Variants in GFRAL observed in about 807,000 individuals in gnomAD.
GFRAL encodes the protein GDNF family receptor alpha-like.
In GFRAL, 36 loss-of-function variants were observed where a neutral mutation model predicts 45.4. The observed-to-expected ratio is 0.79, with a 90% CI of 0.61 to 1.05. The LOEUF (loss-of-function observed/expected upper bound fraction) is 1.05. Among genes scored for constraint, GFRAL ranks in the 50% least tolerant of loss-of-function variants. The pLI is 0.00. For synonymous variants in GFRAL, 166 were observed against 154.1 expected (o/e 1.08, Z -0.57); for missense variants, 507 against 467.5 (o/e 1.08, Z -0.78).
At chr6:55,363,387 A>G (rs1285272686) in intron 6 of GFRAL, among the ~76,000 whole-genome samples, 1 of 151,910 alleles carries the variant, frequency 6.6e-6, no homozygotes, top group Non-Finnish European at 1.5e-5. Context: ...CTTAAAAAAT[A>G]TATGGTAGAC....
intron 3 of GFRAL, among the ~76,000 whole-genome samples, chr6:55,344,178 A>G (rs1035030854): frequency 1.9e-4 from 28 of 148,234 alleles, no homozygotes; most frequent in African/African-American, 6.6e-4. Flanking sequence ...ATGCTCCCTA[A>G]CTCATTTTAT....
chr6:55,374,424 C>A (rs939973744), intron 6 of GFRAL, among the ~76,000 whole-genome samples: 3 of 152,064 alleles, frequency 2.0e-5, no homozygotes, highest in African/African-American at 7.2e-5. Context: ...ACATGAATGT[C>A]TTCTTTTGAG....
chr6:55,333,338 G>C (rs1767853768), intron 2 of GFRAL, among the ~76,000 whole-genome samples: 1 of 152,100 alleles, frequency 6.6e-6, no homozygotes, highest in African/African-American at 2.4e-5. Flanking sequence ...CTATGTGCCA[G>C]GACCACATAA....
Position 55,347,948 on chromosome 6 carries a change from C to G in GFRAL, c.317-2144C>G, listed in dbSNP as rs918477652. ...CTACTAGTTTATTGTAAGCATATTTCTTATCAGATTATAAAATATAAATCA... is the reference window on the plus strand; with the variant it reads ...CTACTAGTTTATTGTAAGCATATTTGTTATCAGATTATAAAATATAAATCA... On this transcript the variant is annotated intron_variant, in intron 3 of 8. Coordinates refer to ENST00000340465, the MANE Select transcript of GFRAL (RefSeq NM_207410.2). Among the ~76,000 whole-genome samples the G allele has an allele frequency of 2.6e-5, 4 of 151,990 alleles. No homozygotes were observed. The East Asian group carries it at 7.7e-4, about 29-fold the overall frequency.
chr6:55,372,921 GC>G (rs1417361681), intron 6 of GFRAL, among the ~76,000 whole-genome samples: 1 of 151,952 alleles, frequency 6.6e-6, no homozygotes, highest in Non-Finnish European at 1.5e-5. Flanking sequence ...TTCAGCATCA[GC>G]CGCGAACTCA....
At chr6:55,371,764 C>T (rs1768453633) in intron 6 of GFRAL, among the ~76,000 whole-genome samples, 1 of 152,084 alleles carries the variant, frequency 6.6e-6, no homozygotes, top group Non-Finnish European at 1.5e-5. Flanking sequence ...TGTCATGGTT[C>T]TAATATTGTT....
chr6:55,366,048 C>T (rs992436778), intron 6 of GFRAL, among the ~76,000 whole-genome samples: 28 of 151,276 alleles, frequency 1.9e-4, no homozygotes, highest in Non-Finnish European at 3.2e-4. Context: ...TGGTAGAATT[C>T]GGCTGTGAAT....
chr6:55,400,965 T>C (rs1376355434), intron 8 of GFRAL, among the ~76,000 whole-genome samples: 7 of 152,144 alleles, frequency 4.6e-5, no homozygotes, highest in Admixed American at 1.3e-4. Flanking sequence ...AATTTACACC[T>C]GTTCCATGAT....
chr6:55,328,517 TTTTG>T (rs1174401096), intron 1 of GFRAL, among the ~76,000 whole-genome samples: 24 of 152,062 alleles, frequency 1.6e-4, no homozygotes, highest in Admixed American at 9.2e-4. Flanking sequence ...TCAGTTTTTC[TTTTG>T]TTTAAGTAAT....
chr6:55,344,691 C>G (rs554737847), intron 3 of GFRAL, among the ~76,000 whole-genome samples: 2 of 151,946 alleles, frequency 1.3e-5, no homozygotes, highest in African/African-American at 4.8e-5. Context: ...TTCTGGCCAG[C>G]GCAATCAGGC....
intron 6 of GFRAL, among the ~76,000 whole-genome samples, chr6:55,392,472 T>C (rs78604269): frequency 6.6e-6 from 1 of 152,252 alleles, no homozygotes; most frequent in Non-Finnish European, 1.5e-5. Flanking sequence ...TCATTTCTGG[T>C]TCTGCTGTAA....
intron 6 of GFRAL, among the ~76,000 whole-genome samples, chr6:55,378,291 C>T (rs1231020608): frequency 1.3e-5 from 2 of 151,984 alleles, no homozygotes; most frequent in African/African-American, 4.8e-5. Context: ...AAATTCATAT[C>T]CAAAGTAAGT....
chr6:55,394,983 C>A (rs1768802660), intron 6 of GFRAL, among the ~76,000 whole-genome samples: 1 of 151,816 alleles, frequency 6.6e-6, no homozygotes. Flanking sequence ...GTTTTCCCTT[C>A]TACTCTCACT....
intron 8 of GFRAL, among the ~76,000 whole-genome samples, chr6:55,399,964 T>C (rs897709138): frequency 2.0e-5 from 3 of 152,162 alleles, no homozygotes; most frequent in African/African-American, 7.2e-5. Context: ...TACCATTGCC[T>C]GACATTAATT....
chr6:55,372,503 A>G (rs1394331351), intron 6 of GFRAL, among the ~76,000 whole-genome samples: 2 of 152,206 alleles, frequency 1.3e-5, no homozygotes, highest in Non-Finnish European at 2.9e-5. Flanking sequence ...CAGCATTAAC[A>G]TTGGTCATTT....
rs1033113025 is a variant in GFRAL, at chr6:55,382,069, AG to A, written c.953-17110del. On this transcript the variant is annotated intron_variant, in intron 6 of 8. Coordinates refer to ENST00000340465, the MANE Select transcript of GFRAL (RefSeq NM_207410.2). ...TCAAATTCAGTCCAGGTGCTAAAAA[AG>A]CTTCTTGGTTTTCCAAGGAACATTC... 3.9e-5 allele frequency among the ~76,000 whole-genome samples: 6 copies of A among 151,984 alleles called. No individual in the cohort carries two copies. In the East Asian group the frequency reaches 1.2e-3, roughly 29 times the overall value.
At chr6:55,373,106 C>T (rs1194186528) in intron 6 of GFRAL, among the ~76,000 whole-genome samples, 2 of 150,832 alleles carry the variant, frequency 1.3e-5, no homozygotes, top group Non-Finnish European at 3.0e-5. Context: ...AAAAAAACTT[C>T]TATTCAAAAT....
rs538371166 is a variant in GFRAL, at chr6:55,363,900, G to A, written c.952+4762G>A. Among the ~76,000 whole-genome samples, 1,367 of 150,586 alleles carry A rather than the reference G, an allele frequency of 9.1e-3. 19 individuals are homozygous for A. Among genetic ancestry groups the A allele is most frequent in the African/African-American group, 0.032 (1,309 of 40,608 alleles). ...GTGAATAATGTCGCAATAAACATAC[G>A]TGTGCATGTGTCTTTATAGCAGCAT... On this transcript the variant is annotated intron_variant, in intron 6 of 8. Coordinates refer to ENST00000340465, the MANE Select transcript of GFRAL (RefSeq NM_207410.2).
At position 55,339,762 on chromosome 6, in the gene GFRAL, T is replaced by C. The variant is rs575479452; in HGVS notation, c.316+5818T>C. On this transcript the variant is annotated intron_variant, in intron 3 of 8. Transcript: ENST00000340465. ...AAATGTTAGCATGCTGAAATGCTTA[T>C]TAAAATATTTAGTGAGTTTTTTCAA... Among the ~76,000 whole-genome samples, 21 of 152,338 alleles carry C rather than the reference T, an allele frequency of 1.4e-4. 1 individual carries two copies. The South Asian group carries it at 4.3e-3, about 32-fold the overall frequency.
Sources: allele counts gnomAD v4.1 joint callset (sites outside exome capture counted in the v4.1 genomes callset), GRCh38; gene constraint gnomAD v4.1.1; transcripts MANE v1.5; gene names NCBI Gene and HGNC (gene_info 2026-07-23, HGNC 2026-07-21).